Variants in BDH2 observed in about 807,000 individuals in gnomAD.
BDH2 encodes the protein dehydrogenase/reductase SDR family member 6.
BDH2 carries 24 observed loss-of-function variants against 33.2 expected under a neutral mutation model. That is an observed-to-expected ratio of 0.72 (90% CI 0.52 to 1.02). The LOEUF (loss-of-function observed/expected upper bound fraction) is 1.02. Ranked by LOEUF, BDH2 falls within the 50% of genes least tolerant of loss-of-function variation. The pLI, the probability that BDH2 is intolerant of heterozygous loss-of-function variation, is 0.00. For synonymous variants in BDH2, 81 were observed against 101.6 expected (o/e 0.80, Z 1.22); for missense variants, 249 against 301.6 (o/e 0.83, Z 1.29).
At chr4:103,083,017 G>A in intron 7 of BDH2, 88 bp from the exon 8 acceptor site, 4 of 1,187,946 alleles carry the variant, frequency 3.4e-6, no homozygotes, top group Non-Finnish European at 5.0e-6. Flanking sequence ...ATGACAATCA[G>A]TGAGATTCTT....
chr4:103,094,050 T>G (rs2125810851), intron 3 of BDH2, among the ~76,000 whole-genome samples: 1 of 152,320 alleles, frequency 6.6e-6, no homozygotes, highest in African/African-American at 2.4e-5. Context: ...TGTTCTGATT[T>G]CTTTGGGTAA....
intron 4 of BDH2, among the ~76,000 whole-genome samples, chr4:103,091,975 A>G (rs1246804505): frequency 6.6e-6 from 1 of 152,236 alleles, no homozygotes; most frequent in Non-Finnish European, 1.5e-5. Flanking sequence ...GCAGAACAAA[A>G]CAAACCCGTA....
At chr4:103,097,369 G>C (rs1748462726) in intron 1 of BDH2, among the ~76,000 whole-genome samples, 1 of 152,202 alleles carries the variant, frequency 6.6e-6, no homozygotes, top group Admixed American at 6.5e-5. Flanking sequence ...ATGTGCATGA[G>C]ATATTTCACC....
intron 7 of BDH2, among the ~76,000 whole-genome samples, chr4:103,083,444 C>G (rs1274138274): frequency 6.6e-6 from 1 of 152,150 alleles, no homozygotes; most frequent in Non-Finnish European, 1.5e-5. Flanking sequence ...CTAAATTTTT[C>G]TTATCACCTT....
intron 1 of BDH2, chr4:103,099,199 T>C (rs1188605254): frequency 6.6e-6 from 1 of 152,164 alleles, no homozygotes; most frequent in African/African-American, 2.4e-5. Flanking sequence ...AAGGTTTTGC[T>C]AGGAATCTTT....
At chr4:103,095,582 C>T (rs1198189550) in intron 2 of BDH2, among the ~76,000 whole-genome samples, 1 of 152,114 alleles carries the variant, frequency 6.6e-6, no homozygotes, top group African/African-American at 2.4e-5. Context: ...AAATACTGCT[C>T]TTCTGTAATG....
At chr4:103,089,775 A>G (rs1747984609) in intron 5 of BDH2, among the ~76,000 whole-genome samples, 1 of 152,192 alleles carries the variant, frequency 6.6e-6, no homozygotes, top group South Asian at 2.1e-4. Context: ...CTTCAAAAAT[A>G]CATTCGTGTT....
chr4:103,086,216 C>T, intron 6 of BDH2: 3 of 1,220,070 alleles, frequency 2.5e-6, no homozygotes, highest in South Asian at 2.8e-5. Flanking sequence ...TTCTTTCTCC[C>T]AGTTTGATGT....
rs1446416075 is a variant in BDH2, at chr4:103,083,040, A to C, written c.533-111T>G. The C allele has an allele frequency of 6.2e-6, 6 of 973,054 alleles. No homozygotes were observed. In the Admixed American group the frequency reaches 1.1e-4, roughly 17 times the overall value. The allele number at this position is 973,054 out of a possible 1,614,324, so 60.3% of individuals were successfully genotyped here. On this transcript the variant is annotated intron_variant, in intron 7 of 9. Transcript: ENST00000296424. ...CAGTGAGATTCTTCTCCTTGACTTA[A>C]AATGACAACTTTACAGCTGCCTGCC... is the stretch of plus-strand genomic sequence containing the variant.
chr4:103,082,721 A>G, intron 8 of BDH2, 150 bp downstream of exon 8: 1 of 682,586 alleles, frequency 1.5e-6, no homozygotes, highest in Non-Finnish European at 2.6e-6. Flanking sequence ...GAACCTCTCT[A>G]CTCATTAAGC....
chr4:103,084,683 G>C (rs993275030), intron 7 of BDH2, among the ~76,000 whole-genome samples: 1 of 152,136 alleles, frequency 6.6e-6, no homozygotes, highest in Non-Finnish European at 1.5e-5. Flanking sequence ...TTACATTTCT[G>C]TTCCAAGAAA....
intron 8 of BDH2, 87 bp from the exon 9 acceptor site, chr4:103,082,260 G>T: frequency 8.9e-7 from 1 of 1,121,636 alleles, no homozygotes; most frequent in Non-Finnish European, 1.3e-6. Flanking sequence ...AAAGGCAAGA[G>T]AATCCACTGG....
intron 4 of BDH2, chr4:103,091,630 A>T: frequency 2.3e-6 from 1 of 441,118 alleles, no homozygotes; most frequent in Non-Finnish European, 4.5e-6. Flanking sequence ...CTGCAGCCTC[A>T]GCTACTTTGA....
At chr4:103,092,972 A>G (rs549674663) in intron 3 of BDH2, among the ~76,000 whole-genome samples, 1 of 152,334 alleles carries the variant, frequency 6.6e-6, no homozygotes, top group South Asian at 2.1e-4. Context: ...GCTTTATAGT[A>G]AAGAATGACT....
In BDH2 at chr4:103,096,285, G is replaced by T; in HGVS notation, c.-20-11C>A. 1 of 1,560,524 alleles carries T rather than the reference G, an allele frequency of 6.4e-7. No homozygotes were observed. Among genetic ancestry groups the T allele is most frequent in the Non-Finnish European group, 8.8e-7 (1 of 1,132,022 alleles). ...AACCTGTGGTTTAATCTAAAGACAT[G>T]TGTGTTTAATGGGTTATACTGTAGA... On this transcript the variant is annotated splice_polypyrimidine_tract_variant and intron_variant, in intron 1 of 9. Transcript: ENST00000296424.
Position 103,079,585 on chromosome 4 carries a change from C to A in BDH2, c.*117G>T. The A allele has an allele frequency of 1.0e-6, 1 of 974,844 alleles. No individual in the cohort carries two copies. 60.4% of individuals were successfully genotyped at this position (974,844 alleles called of 1,614,324 possible). ...CAAACAGTGACATCATTAAAAAGAGCTTATTTTCATTAACATGTGATTAAC... is the reference window on the plus strand; with the variant it reads ...CAAACAGTGACATCATTAAAAAGAGATTATTTTCATTAACATGTGATTAAC... On this transcript the variant is annotated 3_prime_UTR_variant, in exon 10 of 10. Coordinates refer to ENST00000296424, the MANE Select transcript of BDH2 (RefSeq NM_020139.4).
chr4:103,091,428 T>G, intron 4 of BDH2, 143 bp from the exon 5 acceptor site: 1 of 582,394 alleles, frequency 1.7e-6, no homozygotes, highest in South Asian at 2.2e-5. Context: ...TAGTATCACT[T>G]AGTATATTAT....
chr4:103,092,385 T>G (rs935902526), intron 4 of BDH2: 11 of 565,842 alleles, frequency 1.9e-5, no homozygotes, highest in Non-Finnish European at 3.2e-5. Context: ...CTGTCTTGAG[T>G]AGACCTCATT....
At chr4:103,093,088 T>G (rs1245330528) in intron 3 of BDH2, among the ~76,000 whole-genome samples, 1 of 152,190 alleles carries the variant, frequency 6.6e-6, no homozygotes, top group Non-Finnish European at 1.5e-5. Flanking sequence ...TTTGCAGCTT[T>G]TCTCTTAATT....
Sources: allele counts gnomAD v4.1 joint callset (sites outside exome capture counted in the v4.1 genomes callset), GRCh38; gene constraint gnomAD v4.1.1; transcripts MANE v1.5; gene names NCBI Gene and HGNC (gene_info 2026-07-23, HGNC 2026-07-21).